The following MACROD2 variants were observed in gnomAD, a reference collection of about 807,000 sequenced individuals.
MACROD2 encodes the protein ADP-ribose glycohydrolase MACROD2.
A neutral mutation model predicts 70.4 loss-of-function variants in MACROD2; 36 were observed. The observed-to-expected ratio is 0.51, with a 90% confidence interval of 0.39 to 0.68. MACROD2 has a LOEUF of 0.68. Among genes scored for constraint, MACROD2 ranks in the 30% least tolerant of loss-of-function variants. The pLI, the probability that MACROD2 is intolerant of heterozygous loss-of-function variation, is 0.00. For missense variants in MACROD2, 496 were observed against 538.4 expected, an observed-to-expected ratio of 0.92 and a Z score of 0.78; for synonymous variants, 172 against 178.8, an observed-to-expected ratio of 0.96 and a Z score of 0.30.
chr20:14,657,933 G>A (rs887028581), intron 4 of MACROD2, among the ~76,000 whole-genome samples: 12 of 150,030 alleles, frequency 8.0e-5, no homozygotes, highest in Non-Finnish European at 1.6e-4. Context: ...AGCATACTGA[G>A]CTGTTTTTCT....
chr20:15,037,151 G>A (rs943180077), intron 5 of MACROD2, among the ~76,000 whole-genome samples: 3 of 152,088 alleles, frequency 2.0e-5, no homozygotes, highest in Non-Finnish European at 4.4e-5. Flanking sequence ...TTCATGACAT[G>A]TGGTTTGCCC....
intron 8 of MACROD2, among the ~76,000 whole-genome samples, chr20:15,642,383 C>T (rs2049473550): frequency 6.6e-6 from 1 of 152,110 alleles, no homozygotes; most frequent in Non-Finnish European, 1.5e-5. Context: ...CCCATTCTCA[C>T]TCTTCTTTAA....
intron 8 of MACROD2, among the ~76,000 whole-genome samples, chr20:15,784,434 G>C (rs2051886259): frequency 6.6e-6 from 1 of 152,080 alleles, no homozygotes; most frequent in Non-Finnish European, 1.5e-5. Context: ...AGAAATTTAT[G>C]CATCTGGTCA....
At chr20:14,817,156 A>G (rs1308757530) in intron 5 of MACROD2, among the ~76,000 whole-genome samples, 1 of 152,100 alleles carries the variant, frequency 6.6e-6, no homozygotes, top group African/African-American at 2.4e-5. Context: ...TGGGAGTGCT[A>G]ATTAATGTTA....
intron 3 of MACROD2, among the ~76,000 whole-genome samples, chr20:14,196,723 C>T (rs1163910151): frequency 6.6e-6 from 1 of 152,210 alleles, no homozygotes; most frequent in Non-Finnish European, 1.5e-5. Flanking sequence ...GGGACTCTGG[C>T]TATTTTTTAT....
At chr20:15,167,760 AAC>A (rs1240879993) in intron 5 of MACROD2, among the ~76,000 whole-genome samples, 1 of 152,150 alleles carries the variant, frequency 6.6e-6, no homozygotes. Context: ...TTTTCTTACA[AAC>A]ACACCAGTTC....
rs570565934 is a variant in MACROD2, at chr20:15,139,505, G to A, written c.419-90435G>A. Among the ~76,000 whole-genome samples the A allele has an allele frequency of 2.2e-4, 34 of 152,134 alleles. 1 individual carries two copies. The South Asian group carries it at 6.7e-3, about 30-fold the overall frequency. ...GAACATGCGTAACTGCTTTATTGCC[G>A]TCAACATATGTCACTCTGTAATTAT... is the stretch of plus-strand genomic sequence containing the variant. On this transcript the variant is annotated intron_variant, in intron 5 of 17. Transcript: ENST00000684519.
chr20:14,847,520 C>T (rs1349717867), intron 5 of MACROD2, among the ~76,000 whole-genome samples: 2 of 135,136 alleles, frequency 1.5e-5, no homozygotes, highest in African/African-American at 5.7e-5. Flanking sequence ...TTCAGCAGAG[C>T]AGTACAATGC....
chr20:14,437,873 A>T (rs898398615), intron 3 of MACROD2, among the ~76,000 whole-genome samples: 1 of 152,218 alleles, frequency 6.6e-6, no homozygotes, highest in Non-Finnish European at 1.5e-5. Context: ...ACACATCTAT[A>T]TAGTAAAATT....
intron 3 of MACROD2, among the ~76,000 whole-genome samples, chr20:14,409,527 G>A (rs1008366015): frequency 6.6e-6 from 1 of 151,838 alleles, no homozygotes; most frequent in Non-Finnish European, 1.5e-5. Flanking sequence ...AGTAACCATC[G>A]ATGATGGGAT....
In MACROD2 at chr20:14,993,939, A is replaced by G. The variant is rs144480347; in HGVS notation, c.419-236001A>G. On this transcript the variant is annotated intron_variant, in intron 5 of 17. Coordinates refer to ENST00000684519, the MANE Select transcript of MACROD2 (RefSeq NM_001351661.2). ...AGTTGGTTTGCAATGTAATTAAAAT[A>G]TGATTTAATTTTCAAAGTTTAATTG... is the stretch of plus-strand genomic sequence containing the variant. Among the ~76,000 whole-genome samples, 165 of 152,314 alleles carry G rather than the reference A, an allele frequency of 1.1e-3. 1 individual carries two copies. The highest frequency in any genetic ancestry group is 3.6e-3 in the African/African-American group (148 of 41,584).
At chr20:15,956,962 TAA>T (rs1368036242) in intron 12 of MACROD2, among the ~76,000 whole-genome samples, 9 of 152,338 alleles carry the variant, frequency 5.9e-5, no homozygotes, top group Admixed American at 4.6e-4. Flanking sequence ...AGAGTGCAAT[TAA>T]AATTCACTTT....
chr20:15,211,883 C>A (rs2076766982), intron 5 of MACROD2, among the ~76,000 whole-genome samples: 1 of 152,146 alleles, frequency 6.6e-6, no homozygotes, highest in Non-Finnish European at 1.5e-5. Context: ...TTGGGTAGAT[C>A]CTAGCAGTGG....
chr20:15,836,037 C>G (rs2064110637), intron 8 of MACROD2, among the ~76,000 whole-genome samples: 1 of 152,210 alleles, frequency 6.6e-6, no homozygotes, highest in Admixed American at 6.5e-5. Flanking sequence ...AGCCTCAGAT[C>G]AAGTCCATTT....
At chr20:14,161,036 T>G (rs2055179547) in intron 3 of MACROD2, among the ~76,000 whole-genome samples, 1 of 152,158 alleles carries the variant, frequency 6.6e-6, no homozygotes, top group East Asian at 1.9e-4. Flanking sequence ...ATTTCCATCT[T>G]TATGTTCGTG....
intron 5 of MACROD2, among the ~76,000 whole-genome samples, chr20:14,793,956 A>G (rs1266201036): frequency 6.6e-6 from 1 of 152,086 alleles, no homozygotes; most frequent in African/African-American, 2.4e-5. Context: ...TGCCAGTTTC[A>G]TACCAGTGTC....
chr20:14,492,516 A>G (rs1246485709), intron 3 of MACROD2, among the ~76,000 whole-genome samples: 1 of 152,276 alleles, frequency 6.6e-6, no homozygotes, highest in East Asian at 1.9e-4. Context: ...CACCTCTTAA[A>G]TTATGAAATG....
chr20:15,772,185 G>A (rs564807593), intron 8 of MACROD2, among the ~76,000 whole-genome samples: 3 of 148,486 alleles, frequency 2.0e-5, no homozygotes, highest in South Asian at 2.1e-4. Flanking sequence ...GAGTTAACAC[G>A]TGGTCAAGCT....
chr20:15,498,009 G>T (rs1053693963), intron 7 of MACROD2, among the ~76,000 whole-genome samples: 1 of 152,268 alleles, frequency 6.6e-6, no homozygotes, highest in South Asian at 2.1e-4. Flanking sequence ...ACATTTTGGT[G>T]CATTCATTTA....
Sources: gnomAD v4.1 joint callset for allele counts (sites outside exome capture counted in the v4.1 genomes callset) on GRCh38, gnomAD v4.1.1 for gene constraint, MANE v1.5 for transcripts, NCBI Gene and HGNC (gene_info 2026-07-23, HGNC 2026-07-21) for gene names.